SAMD12: variants seen among roughly 807,000 people sequenced by gnomAD.
SAMD12 encodes sterile alpha motif domain containing 12, also known as sterile alpha motif domain-containing protein 12.
SAMD12 carries 9 observed loss-of-function variants against 15.0 expected under a neutral mutation model. That is an observed-to-expected ratio of 0.60 (90% confidence interval 0.36 to 1.05). The LOEUF (loss-of-function observed/expected upper bound fraction) is 1.05. Among genes scored for constraint, SAMD12 ranks in the 50% least tolerant of loss-of-function variants. The pLI, the probability that SAMD12 is intolerant of heterozygous loss-of-function variation, is 0.01. For synonymous variants in SAMD12, 86 were observed against 90.1 expected (o/e 0.96, Z 0.25); for missense variants, 230 against 234.2 (o/e 0.98, Z 0.12).
intron 4 of SAMD12, among the ~76,000 whole-genome samples, chr8:118,337,055 A>C (rs980311131): frequency 6.6e-5 from 10 of 152,116 alleles, no homozygotes; most frequent in Admixed American, 2.0e-4. Context: ...AAATATACCT[A>C]ATGTAAATGA....
intron 3 of SAMD12, among the ~76,000 whole-genome samples, chr8:118,413,823 C>T (rs370329156): frequency 7.5e-4 from 112 of 149,538 alleles, no homozygotes; most frequent in Middle Eastern, 3.4e-3. Flanking sequence ...GGGGAGTCAA[C>T]GAAATACACA....
At chr8:118,217,473 T>C (rs1206592006) in intron 4 of SAMD12, among the ~76,000 whole-genome samples, 1 of 152,226 alleles carries the variant, frequency 6.6e-6, no homozygotes, top group Non-Finnish European at 1.5e-5. Flanking sequence ...GGAGTTTTTG[T>C]CCATAAAGTG....
intron 4 of SAMD12, among the ~76,000 whole-genome samples, chr8:118,258,073 C>T (rs1288158109): frequency 1.3e-5 from 2 of 152,066 alleles, no homozygotes; most frequent in African/African-American, 4.8e-5. Context: ...CAGGCAGATG[C>T]TGAGAGTCTT....
At chr8:118,617,058 C>T (rs572795799) in intron 1 of SAMD12, among the ~76,000 whole-genome samples, 14 of 152,334 alleles carry the variant, frequency 9.2e-5, no homozygotes, top group African/African-American at 2.9e-4. Context: ...AGGGAGGCAT[C>T]CCTATGACGG....
chr8:118,437,718 C>T (rs115662710), intron 3 of SAMD12, among the ~76,000 whole-genome samples: 258 of 152,204 alleles, frequency 1.7e-3, no homozygotes, highest in African/African-American at 5.9e-3. Context: ...CAAAAGCATA[C>T]GACAACTTTT....
At chr8:118,544,152 T>G (rs1187812018) in intron 2 of SAMD12, among the ~76,000 whole-genome samples, 2 of 152,198 alleles carry the variant, frequency 1.3e-5, no homozygotes, top group Non-Finnish European at 2.9e-5. Context: ...AACCTTTTCC[T>G]GGTCACATAT....
chr8:118,475,349 T>C (rs1823926127), intron 2 of SAMD12, among the ~76,000 whole-genome samples: 1 of 152,188 alleles, frequency 6.6e-6, no homozygotes, highest in Admixed American at 6.5e-5. Context: ...CCATTCTCCA[T>C]GAGTGGAAGC....
chr8:118,450,620 A>C (rs745558733), intron 2 of SAMD12, among the ~76,000 whole-genome samples: 4 of 152,332 alleles, frequency 2.6e-5, no homozygotes, highest in Non-Finnish European at 4.4e-5. Flanking sequence ...TCATTTCTAC[A>C]ACAATTACTT....
At chr8:118,315,768 A>G (rs936950206) in intron 4 of SAMD12, among the ~76,000 whole-genome samples, 1 of 152,096 alleles carries the variant, frequency 6.6e-6, no homozygotes, top group African/African-American at 2.4e-5. Flanking sequence ...GGGGCTGAGG[A>G]AGGAAAAACT....
At chr8:118,557,523 G>A (rs985838988) in intron 2 of SAMD12, among the ~76,000 whole-genome samples, 1 of 152,148 alleles carries the variant, frequency 6.6e-6, no homozygotes, top group Non-Finnish European at 1.5e-5. Context: ...AGTCTTTAAA[G>A]ATGACCTCAA....
intron 4 of SAMD12, among the ~76,000 whole-genome samples, chr8:118,224,018 C>G (rs569484286): frequency 6.6e-6 from 1 of 152,232 alleles, no homozygotes; most frequent in South Asian, 2.1e-4. Flanking sequence ...TGGGATAGAT[C>G]CATGAATAGA....
At chr8:118,540,452 CTAATA>C (rs770347557) in intron 2 of SAMD12, among the ~76,000 whole-genome samples, 5 of 152,144 alleles carry the variant, frequency 3.3e-5, no homozygotes, top group Non-Finnish European at 7.3e-5. Context: ...GAAGAGAAAT[CTAATA>C]TATCAGCATG....
intron 4 of SAMD12, among the ~76,000 whole-genome samples, chr8:118,322,509 T>C (rs558498788): frequency 6.6e-6 from 1 of 152,366 alleles, no homozygotes; most frequent in Non-Finnish European, 1.5e-5. Context: ...CTGGAGCTGG[T>C]GGAAAGCCAA....
At chr8:118,316,807 TAA>T (rs34402286) in intron 4 of SAMD12, among the ~76,000 whole-genome samples, 1 of 143,820 alleles carries the variant, frequency 7.0e-6, no homozygotes, top group Non-Finnish European at 1.5e-5. Flanking sequence ...CCTGGCTAAT[TAA>T]AAAAAAGTTT....
intron 2 of SAMD12, among the ~76,000 whole-genome samples, chr8:118,462,321 T>G (rs1310346398): frequency 6.6e-6 from 1 of 152,206 alleles, no homozygotes; most frequent in African/African-American, 2.4e-5. Flanking sequence ...CATCTCTCCT[T>G]CATTTTGACA....
At chr8:118,316,051 G>T (rs534333874) in intron 4 of SAMD12, among the ~76,000 whole-genome samples, 1 of 152,170 alleles carries the variant, frequency 6.6e-6, no homozygotes, top group East Asian at 1.9e-4. Flanking sequence ...TTGCGTAATG[G>T]CATTAAAAAC....
intron 2 of SAMD12, among the ~76,000 whole-genome samples, chr8:118,453,209 G>C (rs1225803240): frequency 6.6e-6 from 1 of 152,014 alleles, no homozygotes; most frequent in Non-Finnish European, 1.5e-5. Context: ...TCTATTCTAA[G>C]ACCTCTATTT....
chr8:118,304,784 A>ATAAATAAAT (rs1815232554), intron 4 of SAMD12, among the ~76,000 whole-genome samples: 1 of 150,622 alleles, frequency 6.6e-6, no homozygotes, highest in Non-Finnish European at 1.5e-5. Context: ...AAATAAATAA[A>ATAAATAAAT]TAAATAAATA....
intron 2 of SAMD12, among the ~76,000 whole-genome samples, chr8:118,486,123 G>C (rs1444138283): frequency 2.0e-5 from 3 of 152,170 alleles, no homozygotes; most frequent in Non-Finnish European, 4.4e-5. Context: ...AAACTTAAAA[G>C]AAGAGAGTAG....
Sources: gnomAD v4.1 joint callset for allele counts (sites outside exome capture counted in the v4.1 genomes callset) on GRCh38, gnomAD v4.1.1 for gene constraint, MANE v1.5 for transcripts, NCBI Gene and HGNC (gene_info 2026-07-23, HGNC 2026-07-21) for gene names.